The following GABRA5 variants were observed in gnomAD, a reference collection of about 807,000 sequenced individuals.
GABRA5 encodes the protein gamma-aminobutyric acid type A receptor subunit alpha5.
A neutral mutation model predicts 47.3 loss-of-function variants in GABRA5; 18 were observed. That is an observed-to-expected ratio of 0.38 (90% CI 0.26 to 0.56). GABRA5 has a LOEUF of 0.56. Ranked by LOEUF, GABRA5 falls within the 20% of genes least tolerant of loss-of-function variation. GABRA5 has a pLI of 0.71. For missense variants in GABRA5, 365 were observed against 599.3 expected (o/e 0.61, Z 4.08); for synonymous variants, 237 against 229.3 (o/e 1.03, Z -0.30).
chr15:26,947,863 T>A, intron 10 of GABRA5, 71 bp from the exon 11 acceptor site: 5 of 1,381,944 alleles, frequency 3.6e-6, no homozygotes, highest in Non-Finnish European at 4.9e-6. Flanking sequence ...GAGGTATACC[T>A]TTAGAACTCC....
At chr15:26,895,149 A>T (rs1893150259) in intron 6 of GABRA5, among the ~76,000 whole-genome samples, 2 of 151,826 alleles carry the variant, frequency 1.3e-5, no homozygotes, top group South Asian at 4.2e-4. Context: ...CTACTGCTGC[A>T]GGTCGCCCAC....
chr15:26,944,398 C>T (rs953037935), intron 10 of GABRA5, among the ~76,000 whole-genome samples: 2 of 152,204 alleles, frequency 1.3e-5, no homozygotes, highest in African/African-American at 2.4e-5. Flanking sequence ...GCCCCTCCCC[C>T]ACTGTAGTTT....
intron 6 of GABRA5, among the ~76,000 whole-genome samples, chr15:26,884,870 G>A (rs1292694631): frequency 1.3e-5 from 2 of 152,172 alleles, no homozygotes; most frequent in East Asian, 3.9e-4. Context: ...ATCAGCCTGT[G>A]CAACATCTCA....
At chr15:26,938,089 C>T (rs978213315) in intron 8 of GABRA5, among the ~76,000 whole-genome samples, 8 of 152,218 alleles carry the variant, frequency 5.3e-5, no homozygotes, top group African/African-American at 1.7e-4. Flanking sequence ...TTCAGGGGAA[C>T]GCTCTGTCAG....
chr15:26,905,801 T>C (rs1205689213), intron 6 of GABRA5, among the ~76,000 whole-genome samples: 4 of 152,084 alleles, frequency 2.6e-5, no homozygotes, highest in Admixed American at 1.3e-4. Context: ...ACTTCAGTTG[T>C]TGTTTTTTTT....
chr15:26,939,830 G>C (rs1242438232), intron 8 of GABRA5, 95 bp from the exon 9 acceptor site: 4 of 1,265,890 alleles, frequency 3.2e-6, no homozygotes, highest in African/African-American at 2.9e-5. Flanking sequence ...TGTCCAAACC[G>C]ACAGGGGAGT....
chr15:26,908,230 C>G (rs754819657), intron 6 of GABRA5, among the ~76,000 whole-genome samples: 3 of 152,072 alleles, frequency 2.0e-5, no homozygotes, highest in Non-Finnish European at 4.4e-5. Context: ...GCCTGTAATC[C>G]TTACAGCTGG....
intron 3 of GABRA5, among the ~76,000 whole-genome samples, chr15:26,876,506 A>G (rs147779569): frequency 2.6e-4 from 39 of 152,298 alleles, no homozygotes; most frequent in African/African-American, 9.4e-4. Flanking sequence ...AAAGGATTGT[A>G]GGAATGTTGC....
rs535747515 is a variant in GABRA5 at position 26,875,302 on chromosome 15, G to A, written c.87-5544G>A. 2.2e-4 allele frequency among the ~76,000 whole-genome samples: 34 copies of A among 152,252 alleles called. 1 individual carries two copies. Among genetic ancestry groups the A allele is most frequent in the African/African-American group, 7.7e-4 (32 of 41,548 alleles). ...TGCCCACATCTGCAATGTCTCCCTC[G>A]CAGGGGCATCCTGGGGGACATTGCC... On this transcript the variant is annotated intron_variant, in intron 3 of 10. Transcript: ENST00000335625.
chr15:26,886,141 T>G (rs1190704905), intron 6 of GABRA5, among the ~76,000 whole-genome samples: 1 of 152,076 alleles, frequency 6.6e-6, no homozygotes, highest in Non-Finnish European at 1.5e-5. Flanking sequence ...TGCCTCAGCC[T>G]CCCAAGTAGC....
intron 8 of GABRA5, chr15:26,939,138 C>A (rs1275900677): frequency 8.3e-6 from 6 of 721,756 alleles, no homozygotes; most frequent in Middle Eastern, 4.8e-4. Flanking sequence ...TCAAAGAACA[C>A]TTCCCATCTC....
chr15:26,884,985 T>C (rs561571279), intron 6 of GABRA5, among the ~76,000 whole-genome samples: 15 of 152,250 alleles, frequency 9.9e-5, no homozygotes, highest in South Asian at 8.3e-4. Flanking sequence ...GGACTGGTGC[T>C]CTTATCTTGT....
intron 4 of GABRA5, among the ~76,000 whole-genome samples, chr15:26,881,701 C>G (rs1461556790): frequency 6.6e-6 from 1 of 151,976 alleles, no homozygotes; most frequent in Non-Finnish European, 1.5e-5. Flanking sequence ...CTAGTGTTTG[C>G]ATTTTTTTTT....
chr15:26,916,296 C>T (rs1893716175), intron 7 of GABRA5, among the ~76,000 whole-genome samples: 2 of 151,952 alleles, frequency 1.3e-5, no homozygotes, highest in South Asian at 2.1e-4. Context: ...TTTTCCTTTC[C>T]TCTTTAAAAA....
chr15:26,869,413 C>T, intron 3 of GABRA5, 79 bp downstream of exon 3: 1 of 875,268 alleles, frequency 1.1e-6, no homozygotes, highest in Non-Finnish European at 2.0e-6. Flanking sequence ...AGCAGCACAT[C>T]CATTGAGCAA....
At chr15:26,928,561 G>A (rs1201145639) in intron 7 of GABRA5, among the ~76,000 whole-genome samples, 2 of 152,166 alleles carry the variant, frequency 1.3e-5, no homozygotes, top group South Asian at 2.1e-4. Flanking sequence ...GTGAGGGTGG[G>A]GGGTCCTCCT....
rs549499122 is a variant in GABRA5 at position 26,947,647 on chromosome 15, A to G, written c.1090-287A>G. Among the ~76,000 whole-genome samples the G allele has an allele frequency of 3.9e-5, 6 of 152,240 alleles. No homozygotes were observed. In the South Asian group the frequency reaches 1.0e-3, roughly 26 times the overall value. ...TTTAGGTTGATTCCATGTCTTTGCT[A>G]TTGTGAATAGTGTTGCAGTGAACAT... On this transcript the variant is annotated intron_variant, in intron 10 of 10. Coordinates refer to ENST00000335625, the MANE Select transcript of GABRA5 (RefSeq NM_000810.4).
intron 3 of GABRA5, among the ~76,000 whole-genome samples, chr15:26,872,148 C>G (rs1266896232): frequency 6.6e-6 from 1 of 152,180 alleles, no homozygotes; most frequent in Non-Finnish European, 1.5e-5. Flanking sequence ...TGTATATTAT[C>G]TAAATGGACT....
intron 2 of GABRA5, 49 bp from the exon 3 acceptor site, chr15:26,869,126 C>G (rs1892399449): frequency 8.8e-6 from 6 of 680,870 alleles, no homozygotes; most frequent in Non-Finnish European, 1.4e-5. Context: ...GGAACTGTGA[C>G]ACAACAGCAT....
Sources: allele counts gnomAD v4.1 joint callset (sites outside exome capture counted in the v4.1 genomes callset), GRCh38; gene constraint gnomAD v4.1.1; transcripts MANE v1.5; gene names NCBI Gene and HGNC (gene_info 2026-07-23, HGNC 2026-07-21).